DENND1B: variants seen among roughly 807,000 people sequenced by gnomAD.
The protein encoded by DENND1B is DENN domain containing 1B, also known as DENN domain-containing protein 1B.
DENND1B carries 59 observed loss-of-function variants against 90.1 expected under a neutral mutation model. The observed-to-expected ratio is 0.65, with a 90% CI of 0.53 to 0.81. DENND1B has a LOEUF of 0.81. Among genes scored for constraint, DENND1B ranks in the 40% least tolerant of loss-of-function variants. The probability of loss-of-function intolerance (pLI) is 0.00; values close to 1 mark genes in which losing one functional copy is unlikely to be tolerated. For missense variants in DENND1B, 862 were observed against 912.6 expected, an observed-to-expected ratio of 0.94 and a Z score of 0.71; for synonymous variants, 337 against 324.6, an observed-to-expected ratio of 1.04 and a Z score of -0.41.
intron 3 of DENND1B, chr1:197,690,071 T>C (rs1486590449): frequency 5.4e-6 from 1 of 184,220 alleles, no homozygotes; most frequent in Non-Finnish European, 1.1e-5. Context: ...AGACTGCTAT[T>C]CTCAAACCCA....
intron 3 of DENND1B, among the ~76,000 whole-genome samples, chr1:197,702,444 C>T (rs974174813): frequency 6.6e-6 from 1 of 152,124 alleles, no homozygotes; most frequent in Non-Finnish European, 1.5e-5. Context: ...TTTAACCAAA[C>T]TTAATCACTA....
chr1:197,668,299 A>G (rs1372123703), intron 5 of DENND1B, among the ~76,000 whole-genome samples: 1 of 151,790 alleles, frequency 6.6e-6, no homozygotes, highest in Non-Finnish European at 1.5e-5. Flanking sequence ...ATTATGTGCC[A>G]GGCACTATTG....
chr1:197,608,747 A>G, intron 12 of DENND1B, among the ~76,000 whole-genome samples: 1 of 150,600 alleles, frequency 6.6e-6, no homozygotes, highest in East Asian at 1.9e-4. Flanking sequence ...TGAGGACATT[A>G]TCACTCAACT....
At chr1:197,662,464 CT>C (rs1654502479) in intron 5 of DENND1B, among the ~76,000 whole-genome samples, 1 of 152,030 alleles carries the variant, frequency 6.6e-6, no homozygotes, top group African/African-American at 2.4e-5. Flanking sequence ...GAATGGCAAT[CT>C]TGGGATTAGA....
rs1266007264 is a variant in DENND1B, at chr1:197,612,217, AG to A, written c.774-242del. Reference sequence around the variant, plus strand: ...CATAAAATCATTTATAATTTAATCAAGAGTTATAATGCCTAAAAAGTTTGTT... The same window carrying A: ...CATAAAATCATTTATAATTTAATCAAAGTTATAATGCCTAAAAAGTTTGTT... On this transcript the variant is annotated intron_variant, in intron 11 of 22. Coordinates refer to ENST00000620048, the MANE Select transcript of DENND1B (RefSeq NM_001195215.2). 2.7e-5 allele frequency among the ~76,000 whole-genome samples: 4 copies of A among 150,648 alleles called. No homozygotes were observed. In the East Asian group the frequency reaches 7.8e-4, roughly 29 times the overall value.
intron 14 of DENND1B, among the ~76,000 whole-genome samples, chr1:197,584,625 A>G (rs1421286700): frequency 6.6e-6 from 1 of 152,248 alleles, no homozygotes; most frequent in Non-Finnish European, 1.5e-5. Flanking sequence ...CCAATGATTC[A>G]TAATAAAAAT....
At chr1:197,684,759 A>T (rs1157661987) in intron 3 of DENND1B, among the ~76,000 whole-genome samples, 13 of 152,200 alleles carry the variant, frequency 8.5e-5, no homozygotes, top group East Asian at 3.8e-4. Context: ...ATAGACTTAT[A>T]AATAAGAGCT....
intron 16 of DENND1B, among the ~76,000 whole-genome samples, chr1:197,551,006 T>TA (rs1671191053): frequency 6.6e-6 from 1 of 151,820 alleles, no homozygotes; most frequent in African/African-American, 2.4e-5. Context: ...ATGACATCGA[T>TA]ATATTCTTCT....
intron 10 of DENND1B, among the ~76,000 whole-genome samples, chr1:197,635,012 CAAGGAAGGAAGGAAGGAAGGAAGGA>C (rs1205547250): frequency 6.7e-6 from 1 of 150,132 alleles, no homozygotes; most frequent in African/African-American, 2.5e-5. Context: ...AGGAAGGAAG[CAAGGAAGGAAGGAAGGAAGGAAGGA>C]AGGGAAGGAA....
intron 20 of DENND1B, among the ~76,000 whole-genome samples, chr1:197,514,714 A>G (rs943536268): frequency 8.6e-5 from 13 of 151,686 alleles, no homozygotes; most frequent in African/African-American, 2.7e-4. Flanking sequence ...AATTTTCAAA[A>G]TAAAGTTGTT....
intron 20 of DENND1B, among the ~76,000 whole-genome samples, chr1:197,521,391 G>A (rs1668764470): frequency 6.6e-6 from 1 of 151,858 alleles, no homozygotes; most frequent in South Asian, 2.1e-4. Flanking sequence ...AAATTCCTGG[G>A]GTTTGGGAGG....
At chr1:197,741,525 C>T (rs1210294890) in intron 2 of DENND1B, among the ~76,000 whole-genome samples, 1 of 152,076 alleles carries the variant, frequency 6.6e-6, no homozygotes, top group Non-Finnish European at 1.5e-5. Context: ...TCTGCACAAT[C>T]GTTTGAACCT....
At chr1:197,557,642 A>G (rs1671822670) in intron 15 of DENND1B, among the ~76,000 whole-genome samples, 1 of 151,968 alleles carries the variant, frequency 6.6e-6, no homozygotes. Context: ...GATTGATTTC[A>G]TGCATATACA....
At chr1:197,750,862 T>C (rs1457451130) in intron 2 of DENND1B, among the ~76,000 whole-genome samples, 1 of 152,146 alleles carries the variant, frequency 6.6e-6, no homozygotes, top group African/African-American at 2.4e-5. Context: ...AAATTTCATA[T>C]GTTAAAATGG....
intron 11 of DENND1B, among the ~76,000 whole-genome samples, chr1:197,612,469 G>A (rs918824832): frequency 6.7e-6 from 1 of 150,372 alleles, no homozygotes; most frequent in Non-Finnish European, 1.5e-5. Flanking sequence ...TTGGATCAGA[G>A]GGTCAGTCTG....
intron 1 of DENND1B, among the ~76,000 whole-genome samples, chr1:197,773,701 T>G (rs1656896560): frequency 6.6e-6 from 1 of 152,242 alleles, no homozygotes; most frequent in Non-Finnish European, 1.5e-5. Flanking sequence ...CTTGCCATAT[T>G]TGCAAAATTT....
intron 20 of DENND1B, among the ~76,000 whole-genome samples, chr1:197,530,598 G>A (rs1234740281): frequency 3.3e-5 from 5 of 152,132 alleles, no homozygotes; most frequent in African/African-American, 9.7e-5. Flanking sequence ...AATTTTAGGA[G>A]TCCTAACTAC....
chr1:197,605,771 T>C (rs1042871150), intron 13 of DENND1B: 1 of 151,218 alleles, frequency 6.6e-6, no homozygotes, highest in Non-Finnish European at 1.5e-5. Context: ...GCATAAGTTT[T>C]ACTACAGTAA....
At chr1:197,578,503 A>G (rs1281656791) in intron 15 of DENND1B, among the ~76,000 whole-genome samples, 2 of 152,040 alleles carry the variant, frequency 1.3e-5, no homozygotes, top group African/African-American at 4.8e-5. Flanking sequence ...CATCAGCCTC[A>G]CAAAGTGCTG....
Sources: gnomAD v4.1 joint callset for allele counts (sites outside exome capture counted in the v4.1 genomes callset) on GRCh38, gnomAD v4.1.1 for gene constraint, MANE v1.5 for transcripts, NCBI Gene and HGNC (gene_info 2026-07-23, HGNC 2026-07-21) for gene names.